ASTN1: variants seen among roughly 807,000 people sequenced by gnomAD.
ASTN1 encodes the protein astrotactin 1, also known as astrotactin-1.
In ASTN1, 41 loss-of-function variants were observed where a neutral mutation model predicts 140.7. The observed-to-expected ratio is 0.29, with a 90% CI of 0.23 to 0.38. ASTN1 has a LOEUF of 0.38. ASTN1 is among the 10% of genes least tolerant of loss of function. The probability of loss-of-function intolerance (pLI) is 1.00; values close to 1 mark genes in which losing one functional copy is unlikely to be tolerated. For missense variants in ASTN1, 1,479 were observed against 1,678.8 expected (o/e 0.88, Z 2.08); for synonymous variants, 640 against 652.2 (o/e 0.98, Z 0.29).
In ASTN1 at chr1:177,041,149, T is replaced by C. The variant is rs1676950911; in HGVS notation, c.472-8300A>G. Among the ~76,000 whole-genome samples, 4 of 152,272 alleles carry C rather than the reference T, an allele frequency of 2.6e-5. No homozygotes were observed. The South Asian group carries it at 6.2e-4, about 24-fold the overall frequency. On this transcript the variant is annotated intron_variant, in intron 2 of 22. Coordinates refer to ENST00000361833, the MANE Select transcript of ASTN1 (RefSeq NM_004319.3). ...CATCAAGGGCTGGGTTTTCAGCCCA[T>C]AGATCCCTAATTCCAAAGACTGACC...
In ASTN1 at chr1:176,948,090, A is replaced by G. The variant is rs140622699; in HGVS notation, c.2054+1095T>C. Among the ~76,000 whole-genome samples, 806 of 152,340 alleles carry G rather than the reference A, an allele frequency of 5.3e-3. 6 individuals carry two copies. The highest frequency in any genetic ancestry group is 0.011 in the South Asian group (53 of 4,820). On this transcript the variant is annotated intron_variant, in intron 12 of 22. Transcript: ENST00000361833. The stretch of plus-strand genomic sequence containing the variant: ...ATGAAACACAATAAAATAACATTAC[A>G]TGATTATTCAGCAGGCACTGGCTTT...
rs775674472 is a variant in ASTN1 at position 176,868,861 on chromosome 1, C to A, written c.3630G>T (p.Glu1210Asp). 2 of 1,604,522 alleles carry A rather than the reference C, an allele frequency of 1.2e-6. No homozygotes were observed. The highest frequency in any genetic ancestry group is 2.2e-5 in the South Asian group (2 of 89,152). The change falls in exon 22 of 23, where the codon GAG (glutamate) becomes GAT (aspartate). Residue 1210 changes from glutamate (E) to aspartate (D), a missense_variant. Transcript: ENST00000361833. ...TTGATTACCTGGGACCTAACTCATC[C>A]TCACATCGCCAGGTGAATTCCCCAA... ...ESFGEFTWRC[E>D]DELGPRKAGL...
intron 5 of ASTN1, 174 bp downstream of exon 5, chr1:177,029,460 C>G (rs1302658105): frequency 3.9e-6 from 3 of 774,214 alleles, no homozygotes; most frequent in South Asian, 2.8e-5. Flanking sequence ...ATTTTCCACT[C>G]TAGGCTCTTC....
intron 8 of ASTN1, among the ~76,000 whole-genome samples, chr1:177,008,584 A>G (rs1462038660): frequency 6.6e-6 from 1 of 150,502 alleles, no homozygotes; most frequent in Non-Finnish European, 1.5e-5. Flanking sequence ...AGAGAGAAAG[A>G]AGAAGGAGGA....
intron 8 of ASTN1, among the ~76,000 whole-genome samples, chr1:176,999,865 C>A (rs1325695881): frequency 4.6e-5 from 7 of 152,102 alleles, no homozygotes; most frequent in Non-Finnish European, 8.8e-5. Flanking sequence ...TAAAGAGGTG[C>A]CATCCACCAT....
In ASTN1 at chr1:176,888,045, G is replaced by A. The variant is rs371325994; in HGVS notation, c.3074+26C>T. 192 of 1,613,606 alleles carry A rather than the reference G, an allele frequency of 1.2e-4. 3 individuals are homozygous for A. The South Asian group carries it at 1.8e-3, about 15-fold the overall frequency. ...GCTCATTATCTGTTTCCAGAGTAATGCTGAAAGAGAGAAAGAGAACCATAC... is the reference window on the plus strand; with the variant it reads ...GCTCATTATCTGTTTCCAGAGTAATACTGAAAGAGAGAAAGAGAACCATAC... On this transcript the variant is annotated intron_variant, in intron 18 of 22. Transcript: ENST00000361833.
intron 21 of ASTN1, among the ~76,000 whole-genome samples, chr1:176,872,276 G>A (rs960196481): frequency 1.3e-5 from 2 of 150,778 alleles, no homozygotes; most frequent in East Asian, 1.9e-4. Context: ...AATTGTTTTC[G>A]AGTGCTTACT....
rs150471013 is a variant in ASTN1 at position 177,006,279 on chromosome 1, G to T, written c.1523+8512C>A. On this transcript the variant is annotated intron_variant, in intron 8 of 22. Transcript: ENST00000361833. ...AGAGAACAAAAATATATACAGAATT[G>T]AGGTGGGGGTTAGTAAAAAGCAAGC... is the stretch of plus-strand genomic sequence containing the variant. Among the ~76,000 whole-genome samples the T allele has an allele frequency of 2.8e-3, 419 of 152,230 alleles. 3 individuals carry two copies. Among genetic ancestry groups the T allele is most frequent in the African/African-American group, 9.1e-3 (378 of 41,542 alleles).
At chr1:176,904,162 A>C (rs1402480089) in intron 16 of ASTN1, among the ~76,000 whole-genome samples, 1 of 152,196 alleles carries the variant, frequency 6.6e-6, no homozygotes, top group African/African-American at 2.4e-5. Context: ...ATAGCCTTTA[A>C]CATTGTGGCA....
intron 7 of ASTN1, among the ~76,000 whole-genome samples, chr1:177,018,562 A>G (rs374717615): frequency 6.6e-6 from 1 of 152,174 alleles, no homozygotes; most frequent in East Asian, 1.9e-4. Flanking sequence ...ATAAAGATTA[A>G]AACTTAATTT....
At chr1:177,164,084 T>C (rs1294061044) in intron 1 of ASTN1, among the ~76,000 whole-genome samples, 1 of 152,120 alleles carries the variant, frequency 6.6e-6, no homozygotes, top group Non-Finnish European at 1.5e-5. Flanking sequence ...GCTGTGTGGA[T>C]GTGCTCCTGA....
intron 1 of ASTN1, among the ~76,000 whole-genome samples, chr1:177,097,102 A>G (rs891932868): frequency 1.3e-5 from 2 of 152,134 alleles, no homozygotes; most frequent in African/African-American, 4.8e-5. Flanking sequence ...AAATAAACTA[A>G]GACAAAAACC....
chr1:177,090,083 C>A (rs1679673519), intron 1 of ASTN1, among the ~76,000 whole-genome samples: 1 of 151,828 alleles, frequency 6.6e-6, no homozygotes, highest in Admixed American at 6.6e-5. Context: ...TAATATAAAA[C>A]AAAGACCCTA....
intron 16 of ASTN1, among the ~76,000 whole-genome samples, chr1:176,903,919 C>T (rs757178654): frequency 1.6e-4 from 24 of 152,304 alleles, no homozygotes; most frequent in Admixed American, 5.2e-4. Flanking sequence ...CCTTGGCACT[C>T]CTTGGCTTAT....
Position 176,880,183 on chromosome 1 carries a change from G to A in ASTN1, c.3362+2676C>T, listed in dbSNP as rs144757513. Among the ~76,000 whole-genome samples the A allele has an allele frequency of 3.9e-4, 60 of 152,286 alleles. 1 individual carries two copies. Among genetic ancestry groups the A allele is most frequent in the Middle Eastern group, 6.8e-3 (2 of 294 alleles). On this transcript the variant is annotated intron_variant, in intron 20 of 22. Transcript: ENST00000361833. ...AGCCCACAGCTAGAGACTTGGTGAT[G>A]ACCCCAACGGAGGCCTGTGTGAGTG...
rs138051361 is a variant in ASTN1 at position 176,913,750 on chromosome 1, A to G, written c.2672-18920T>C. On this transcript the variant is annotated intron_variant, in intron 16 of 22. Transcript: ENST00000361833. ...ATAGACAGAAGTGAACAAGGCTACA[A>G]AGAATCTGGTGTGGAGAAGCATCAT... Among the ~76,000 whole-genome samples the G allele has an allele frequency of 4.1e-3, 620 of 152,332 alleles. 2 individuals are homozygous for G. The highest frequency in any genetic ancestry group is 0.016 in the South Asian group (76 of 4,820).
At chr1:177,051,941 T>C (rs1489654869) in intron 2 of ASTN1, among the ~76,000 whole-genome samples, 1 of 152,148 alleles carries the variant, frequency 6.6e-6, no homozygotes, top group Admixed American at 6.5e-5. Flanking sequence ...ATGAAGTTCT[T>C]CCAGAGAAGT....
rs200452779 is a variant in ASTN1, at chr1:177,027,265, C to T, written c.1120+2369G>A. On this transcript the variant is annotated intron_variant, in intron 5 of 22. Transcript: ENST00000361833. ...TCACTGATTCCTTGGTGTTCTAGCCCTTGGTGCTATAAGGTGTGATAAGAG... is the reference window on the plus strand; with the variant it reads ...TCACTGATTCCTTGGTGTTCTAGCCTTTGGTGCTATAAGGTGTGATAAGAG... Among the ~76,000 whole-genome samples the T allele has an allele frequency of 2.6e-5, 4 of 152,192 alleles. No homozygotes were observed. In the East Asian group the frequency reaches 5.8e-4, roughly 22 times the overall value.
chr1:177,010,715 C>T (rs1024182569), intron 8 of ASTN1, among the ~76,000 whole-genome samples: 3 of 152,170 alleles, frequency 2.0e-5, no homozygotes, highest in Non-Finnish European at 4.4e-5. Context: ...ACTGGAGTCA[C>T]CAGGAAATGA....
Sources: allele counts gnomAD v4.1 joint callset (sites outside exome capture counted in the v4.1 genomes callset), GRCh38; gene constraint gnomAD v4.1.1; transcripts MANE v1.5; gene names NCBI Gene and HGNC (gene_info 2026-07-23, HGNC 2026-07-21).